Variants in DAB1 observed in about 807,000 individuals in gnomAD.
DAB1 encodes disabled homolog 1.
Under a neutral mutation model 64.6 loss-of-function variants are expected in DAB1, and 15 were observed. That is an observed-to-expected ratio of 0.23 (90% CI 0.16 to 0.36). DAB1 has a LOEUF of 0.36. Among genes scored for constraint, DAB1 ranks in the 10% least tolerant of loss-of-function variants. The pLI is 1.00. For missense variants in DAB1, 596 were observed against 706.7 expected (o/e 0.84, Z 1.78); for synonymous variants, 235 against 251.9 (o/e 0.93, Z 0.64).
chr1:57,685,271 C>T (rs1038022833), intron 6 of DAB1, among the ~76,000 whole-genome samples: 6 of 151,184 alleles, frequency 4.0e-5, no homozygotes, highest in African/African-American at 1.5e-4. Context: ...TATTCTTATA[C>T]TAGATAAAAC....
At chr1:57,873,983 T>C (rs1643999694) in intron 1 of DAB1, 1 of 152,124 alleles carries the variant, frequency 6.6e-6, no homozygotes, top group Non-Finnish European at 1.5e-5. Context: ...TGAGTCTCTT[T>C]GACACAAGTC....
At chr1:57,441,380 C>T (rs1227627519) in intron 7 of DAB1, among the ~76,000 whole-genome samples, 7 of 145,394 alleles carry the variant, frequency 4.8e-5, no homozygotes, top group African/African-American at 1.8e-4. Flanking sequence ...TTTTTTGAGG[C>T]AGGGTTCTCA....
Position 57,745,910 on chromosome 1 carries a change from T to G in DAB1, n.552-96245A>C, listed in dbSNP as rs184328132. 3.3e-5 allele frequency among the ~76,000 whole-genome samples: 5 copies of G among 152,332 alleles called. No homozygotes were observed. The East Asian group carries it at 9.6e-4, about 29-fold the overall frequency. On this transcript the variant is annotated intron_variant and non_coding_transcript_variant, in intron 6 of 20. Coordinates refer to the DAB1 transcript ENST00000485760. ...TTTATGTACGAACAACATAAGTTGT[T>G]GATTTATCTTTATGAGTGGCTTAAA...
rs150646916 is a variant in DAB1 at position 57,322,747 on chromosome 1, A to G, written c.-136-31581T>C. On this transcript the variant is annotated intron_variant, in intron 1 of 14. Transcript: ENST00000371236. The stretch of plus-strand genomic sequence containing the variant: ...TTAAGAAAGTACCTATATGAAGATG[A>G]CAGTACCACACAATAAGCGTGATGA... 1.7e-3 allele frequency among the ~76,000 whole-genome samples: 253 copies of G among 152,342 alleles called. 1 individual carries two copies. The highest frequency in any genetic ancestry group is 3.3e-3 in the South Asian group (16 of 4,824).
chr1:58,043,917 G>A (rs1426907577), intron 5 of DAB1, among the ~76,000 whole-genome samples: 1 of 152,088 alleles, frequency 6.6e-6, no homozygotes, highest in Non-Finnish European at 1.5e-5. Flanking sequence ...TAGTAGAGAT[G>A]GGGTTTCACC....
intron 2 of DAB1, among the ~76,000 whole-genome samples, chr1:57,248,729 A>G (rs1669092233): frequency 6.6e-6 from 1 of 152,228 alleles, no homozygotes; most frequent in African/African-American, 2.4e-5. Flanking sequence ...TGAAGCAGGA[A>G]GGTCTCCTAT....
intron 5 of DAB1, among the ~76,000 whole-genome samples, chr1:57,953,660 T>C (rs1645324353): frequency 6.6e-6 from 1 of 152,158 alleles, no homozygotes; most frequent in Admixed American, 6.5e-5. Flanking sequence ...TGGAATCTAA[T>C]TGTTAAGGAC....
rs552208261 is a variant in DAB1, at chr1:58,250,275, C to T, written n.309+93077G>A. Among the ~76,000 whole-genome samples the T allele has an allele frequency of 2.9e-3, 437 of 152,328 alleles. 7 individuals carry two copies. The highest frequency in any genetic ancestry group is 3.8e-4 in the Non-Finnish European group (26 of 68,030). On this transcript the variant is annotated intron_variant and non_coding_transcript_variant, in intron 4 of 20. Coordinates refer to the DAB1 transcript ENST00000485760. The stretch of plus-strand genomic sequence containing the variant: ...CGAGGACCACACTCTCCGCTCAGCC[C>T]TCTCGACTCATCCTCCGGCTGCAGT...
intron 7 of DAB1, among the ~76,000 whole-genome samples, chr1:57,559,046 T>C (rs1347401130): frequency 1.3e-5 from 2 of 152,170 alleles, no homozygotes; most frequent in African/African-American, 4.8e-5. Context: ...ATAGGAATAA[T>C]TGGATCCTGA....
At chr1:57,530,322 G>C (rs1202142317) in intron 7 of DAB1, among the ~76,000 whole-genome samples, 3 of 152,146 alleles carry the variant, frequency 2.0e-5, no homozygotes, top group Non-Finnish European at 4.4e-5. Context: ...CTCTTACTAT[G>C]TGCAGTATGT....
chr1:58,401,560 T>C (rs75223706), intron 3 of DAB1, among the ~76,000 whole-genome samples: 5,929 of 152,330 alleles, frequency 0.039, 158 homozygotes, highest in East Asian at 0.11. Context: ...TTATTTCATT[T>C]ATTATCTGTT....
At chr1:57,760,401 T>G (rs1649020898) in intron 6 of DAB1, among the ~76,000 whole-genome samples, 1 of 152,132 alleles carries the variant, frequency 6.6e-6, no homozygotes, top group African/African-American at 2.4e-5. Context: ...TTTTTTTTAC[T>G]ACTATCATTT....
At chr1:57,676,139 G>A (rs1201746893) in intron 6 of DAB1, among the ~76,000 whole-genome samples, 1 of 152,182 alleles carries the variant, frequency 6.6e-6, no homozygotes, top group African/African-American at 2.4e-5. Context: ...ACATAGGGCA[G>A]GGAGGCTTTG....
intron 5 of DAB1, among the ~76,000 whole-genome samples, chr1:58,041,296 C>G (rs1424860551): frequency 6.6e-6 from 1 of 152,180 alleles, no homozygotes; most frequent in Non-Finnish European, 1.5e-5. Flanking sequence ...CTCATCTCTC[C>G]TAGGCTGAGA....
chr1:57,679,285 G>A (rs12136261), intron 6 of DAB1, among the ~76,000 whole-genome samples: 62,127 of 152,062 alleles, frequency 0.41, 14,628 homozygotes, highest in East Asian at 0.7. Flanking sequence ...GTGAGATAAA[G>A]AAACTAAGAT....
chr1:57,920,076 G>C (rs1644786371), intron 5 of DAB1, among the ~76,000 whole-genome samples: 1 of 152,260 alleles, frequency 6.6e-6, no homozygotes, highest in South Asian at 2.1e-4. Flanking sequence ...TTAGAGGCAG[G>C]CAGTATTATT....
intron 4 of DAB1, among the ~76,000 whole-genome samples, chr1:57,081,451 G>A (rs1393877974): frequency 2.0e-5 from 3 of 152,178 alleles, no homozygotes; most frequent in Admixed American, 6.5e-5. Flanking sequence ...GAAACACTTC[G>A]AAATCAAGTC....
At chr1:57,435,339 T>G (rs58117306) in intron 7 of DAB1, among the ~76,000 whole-genome samples, 25,225 of 152,044 alleles carry the variant, frequency 0.17, 2,285 homozygotes, top group African/African-American at 0.24. Flanking sequence ...GTGAGCCACC[T>G]TGCTCAGCCA....
intron 2 of DAB1, among the ~76,000 whole-genome samples, chr1:57,257,048 T>C: frequency 6.6e-6 from 1 of 152,234 alleles, no homozygotes; most frequent in East Asian, 1.9e-4. Flanking sequence ...ATGAGTTTCC[T>C]TCACTGACAA....
Sources: gnomAD v4.1 joint callset for allele counts (sites outside exome capture counted in the v4.1 genomes callset) on GRCh38, gnomAD v4.1.1 for gene constraint, MANE v1.5 for transcripts, NCBI Gene and HGNC (gene_info 2026-07-23, HGNC 2026-07-21) for gene names.